ARMH3: variants seen among roughly 807,000 people sequenced by gnomAD.
ARMH3 encodes the protein armadillo-like helical domain-containing protein 3.
In ARMH3, 60 loss-of-function variants were observed where a neutral mutation model predicts 99.1. The ratio of observed to expected loss-of-function variants is 0.61; its 90% CI spans 0.49 to 0.75. ARMH3 has a LOEUF of 0.75. Ranked by LOEUF, ARMH3 falls within the 30% of genes least tolerant of loss-of-function variation. The pLI, the probability that ARMH3 is intolerant of heterozygous loss-of-function variation, is 0.00. For missense variants in ARMH3, 679 were observed against 843.1 expected, an observed-to-expected ratio of 0.81 and a Z score of 2.41; for synonymous variants, 285 against 292.8, an observed-to-expected ratio of 0.97 and a Z score of 0.27.
intron 22 of ARMH3, among the ~76,000 whole-genome samples, chr10:101,945,595 G>A (rs1844479120): frequency 6.6e-6 from 1 of 152,018 alleles, no homozygotes; most frequent in Admixed American, 6.6e-5. Context: ...GTGCATGCCT[G>A]TAATCCCAGC....
At chr10:101,861,046 A>G (rs1248474764) in intron 24 of ARMH3, among the ~76,000 whole-genome samples, 1 of 152,270 alleles carries the variant, frequency 6.6e-6, no homozygotes, top group Non-Finnish European at 1.5e-5. Flanking sequence ...CAATAGAAAT[A>G]GACCCAGAAA....
At position 102,051,926 on chromosome 10, in the gene ARMH3, C is replaced by T. The variant is rs117065002; in HGVS notation, c.-12+4159G>A. ...AAATTATCCTACACAAGAAGGAAGG[C>T]ATTCCTCCTTCCGAAGGGGGAACCA... On this transcript the variant is annotated intron_variant, in intron 1 of 25. Coordinates refer to ENST00000370033, the MANE Select transcript of ARMH3 (RefSeq NM_024541.3). Among the ~76,000 whole-genome samples, 169 of 152,268 alleles carry T rather than the reference C, an allele frequency of 1.1e-3. 1 individual carries two copies. The East Asian group carries it at 0.024, about 22-fold the overall frequency.
At chr10:101,954,910 C>T (rs1439630709) in intron 22 of ARMH3, among the ~76,000 whole-genome samples, 2 of 152,106 alleles carry the variant, frequency 1.3e-5, no homozygotes, top group Non-Finnish European at 2.9e-5. Context: ...TCTCATTTGA[C>T]TAGTTACATA....
At chr10:101,992,117 T>G in intron 17 of ARMH3, 79 bp from the exon 18 acceptor site, 1 of 1,201,302 alleles carries the variant, frequency 8.3e-7, no homozygotes, top group Non-Finnish European at 1.2e-6. Flanking sequence ...ATGTTCCTTG[T>G]GCAAATAAAA....
intron 8 of ARMH3, 129 bp downstream of exon 8, chr10:102,023,348 G>C: frequency 1.2e-6 from 1 of 820,502 alleles, no homozygotes; most frequent in Non-Finnish European, 1.9e-6. Flanking sequence ...TTTAGAATCT[G>C]GATTATCAAA....
chr10:101,977,448 A>C (rs570531189), intron 19 of ARMH3, among the ~76,000 whole-genome samples: 1 of 152,356 alleles, frequency 6.6e-6, no homozygotes, highest in Non-Finnish European at 1.5e-5. Context: ...TCAATGATTA[A>C]AATTAAATGG....
intron 22 of ARMH3, among the ~76,000 whole-genome samples, chr10:101,945,491 G>A (rs1296895017): frequency 6.6e-6 from 1 of 152,152 alleles, no homozygotes; most frequent in South Asian, 2.1e-4. Flanking sequence ...GCTGAGGCGG[G>A]TGGATCACCT....
intron 20 of ARMH3, among the ~76,000 whole-genome samples, chr10:101,970,112 A>G (rs1845704032): frequency 6.6e-6 from 1 of 152,226 alleles, no homozygotes; most frequent in African/African-American, 2.4e-5. Flanking sequence ...AGCTGACTCC[A>G]TGAAGCTCTG....
intron 2 of ARMH3, among the ~76,000 whole-genome samples, chr10:102,035,575 C>G (rs1357411703): frequency 1.3e-5 from 2 of 152,238 alleles, no homozygotes; most frequent in African/African-American, 4.8e-5. Context: ...GACTGGTTTT[C>G]GTATTTTTTT....
chr10:102,051,686 C>T (rs539379676), intron 1 of ARMH3, among the ~76,000 whole-genome samples: 3 of 152,222 alleles, frequency 2.0e-5, no homozygotes, highest in South Asian at 4.1e-4. Context: ...ATGGAAGTAA[C>T]TCAGAGACTT....
intron 24 of ARMH3, among the ~76,000 whole-genome samples, chr10:101,878,041 T>C (rs2067311318): frequency 6.6e-6 from 1 of 152,106 alleles, no homozygotes; most frequent in South Asian, 2.1e-4. Context: ...ATGGATCATC[T>C]GAGGTCAGGA....
At chr10:101,892,685 T>G (rs1169854865) in intron 23 of ARMH3, among the ~76,000 whole-genome samples, 1 of 152,074 alleles carries the variant, frequency 6.6e-6, no homozygotes, top group East Asian at 1.9e-4. Context: ...ATATAAGAAA[T>G]ATTTGTTGAA....
chr10:101,996,388 A>C (rs1847054751), intron 15 of ARMH3, among the ~76,000 whole-genome samples: 1 of 152,190 alleles, frequency 6.6e-6, no homozygotes, highest in Admixed American at 6.5e-5. Context: ...AAAACCTGAC[A>C]ATTAGATGGC....
intron 11 of ARMH3, among the ~76,000 whole-genome samples, chr10:102,011,118 AC>A (rs1490113161): frequency 4.3e-4 from 65 of 152,152 alleles, no homozygotes; most frequent in African/African-American, 1.5e-3. Context: ...ATTATCTGGT[AC>A]CAAATGCCAA....
intron 22 of ARMH3, 114 bp from the exon 23 acceptor site, chr10:101,940,052 C>A: frequency 1.4e-6 from 1 of 729,146 alleles, no homozygotes; most frequent in Non-Finnish European, 2.2e-6. Flanking sequence ...AAAGCCTGCG[C>A]CAATCTTCTG....
chr10:101,855,816 C>A (rs2066726178), intron 24 of ARMH3, among the ~76,000 whole-genome samples: 1 of 149,258 alleles, frequency 6.7e-6, no homozygotes, highest in Non-Finnish European at 1.5e-5. Flanking sequence ...CTGGGAGGAG[C>A]CTTTGAAATC....
chr10:101,986,409 G>A (rs568214609), intron 19 of ARMH3, among the ~76,000 whole-genome samples: 4 of 151,962 alleles, frequency 2.6e-5, no homozygotes, highest in African/African-American at 4.8e-5. Flanking sequence ...TAATTGGTTC[G>A]GTTTTGCTAC....
intron 24 of ARMH3, among the ~76,000 whole-genome samples, chr10:101,869,234 G>A (rs1275273478): frequency 2.0e-5 from 3 of 152,162 alleles, no homozygotes; most frequent in Non-Finnish European, 4.4e-5. Context: ...TAAGTAAAGA[G>A]AGAATATTTA....
intron 22 of ARMH3, among the ~76,000 whole-genome samples, chr10:101,950,488 T>G (rs992528030): frequency 5.3e-5 from 8 of 152,114 alleles, no homozygotes; most frequent in African/African-American, 1.9e-4. Context: ...ACACAAAAAT[T>G]TGTACATGGA....
Sources: allele counts gnomAD v4.1 joint callset (sites outside exome capture counted in the v4.1 genomes callset), GRCh38; gene constraint gnomAD v4.1.1; transcripts MANE v1.5; gene names NCBI Gene and HGNC (gene_info 2026-07-23, HGNC 2026-07-21).